WDR72: variants seen among roughly 807,000 people sequenced by gnomAD.
WDR72 encodes the protein WD repeat-containing protein 72.
In WDR72, 120 loss-of-function variants were observed where a neutral mutation model predicts 124.2. That is an observed-to-expected ratio of 0.97 (90% CI 0.83 to 1.12). The LOEUF (loss-of-function observed/expected upper bound fraction) is 1.12. Ranked by LOEUF, WDR72 falls within the 50% of genes most tolerant of loss-of-function variation. The probability of loss-of-function intolerance (pLI) is 0.00; values close to 1 mark genes in which losing one functional copy is unlikely to be tolerated. For missense variants in WDR72, 1,387 were observed against 1,278.8 expected (o/e 1.08, Z -1.29); for synonymous variants, 452 against 441.7 (o/e 1.02, Z -0.29).
chr15:53,641,010 AT>A (rs941546827), intron 14 of WDR72, among the ~76,000 whole-genome samples: 13 of 151,256 alleles, frequency 8.6e-5, no homozygotes, highest in African/African-American at 2.9e-4. Context: ...CATTTTTTTC[AT>A]TTTTTTCTGA....
At chr15:53,546,673 A>T (rs1045352368) in intron 18 of WDR72, among the ~76,000 whole-genome samples, 12 of 152,296 alleles carry the variant, frequency 7.9e-5, no homozygotes, top group Middle Eastern at 6.8e-3. Context: ...ATAATAATAA[A>T]AAAAAGAACA....
chr15:53,685,144 C>T (rs28861487), intron 13 of WDR72, among the ~76,000 whole-genome samples: 6 of 149,292 alleles, frequency 4.0e-5, no homozygotes, highest in East Asian at 4.1e-4. Context: ...AACTCTAAAA[C>T]GCAGAGCGCC....
intron 3 of WDR72, among the ~76,000 whole-genome samples, chr15:53,718,933 T>C (rs1425386417): frequency 6.6e-6 from 1 of 152,002 alleles, no homozygotes; most frequent in South Asian, 2.1e-4. Context: ...CATTAGAAAA[T>C]TGTTATATTC....
At position 53,705,190 on chromosome 15, in the gene WDR72, A is replaced by G; in HGVS notation, c.1146T>C (p.Asp382=). Residue 382 remains aspartate (D), a synonymous_variant, in exon 11 of 20, where the codon GAT becomes GAC. Coordinates refer to ENST00000360509, the MANE Select transcript of WDR72 (RefSeq NM_182758.4). ...TACTTTGTGACATAGTATCATGCTT[A>G]TCAAAATTATCTTGAAGAGTCCAGG... is the stretch of plus-strand genomic sequence containing the variant. ...TATWTLQDNF[D]KHDTMSQSII... is the part of the protein sequence containing the mutation. 1 of 1,614,016 alleles carries G rather than the reference A, an allele frequency of 6.2e-7. No homozygotes were observed.
intron 18 of WDR72, among the ~76,000 whole-genome samples, chr15:53,564,698 C>T (rs1894235120): frequency 6.6e-6 from 1 of 151,800 alleles, no homozygotes; most frequent in Non-Finnish European, 1.5e-5. Context: ...ATTTTCTGAC[C>T]TATCAAAGGT....
At chr15:53,750,356 G>A (rs1448500816) in intron 1 of WDR72, among the ~76,000 whole-genome samples, 1 of 152,036 alleles carries the variant, frequency 6.6e-6, no homozygotes, top group Non-Finnish European at 1.5e-5. Context: ...AGTTTACTGA[G>A]TATTTTATGC....
At chr15:53,720,549 T>C (rs564597881) in intron 3 of WDR72, among the ~76,000 whole-genome samples, 74 of 152,342 alleles carry the variant, frequency 4.9e-4, no homozygotes, top group African/African-American at 1.8e-3. Context: ...TTTTTGTTTG[T>C]CTGAAGGTTT....
chr15:53,661,426 C>A (rs2015605956), intron 14 of WDR72, among the ~76,000 whole-genome samples: 2 of 152,084 alleles, frequency 1.3e-5, no homozygotes, highest in African/African-American at 4.8e-5. Context: ...CTCCTGGAAA[C>A]TGATAGAGCT....
At chr15:53,705,747 G>A (rs1186227758) in intron 10 of WDR72, among the ~76,000 whole-genome samples, 180 bp downstream of exon 10, 3 of 152,214 alleles carry the variant, frequency 2.0e-5, no homozygotes, top group Non-Finnish European at 4.4e-5. Context: ...ACAGGCATGA[G>A]CCACTGTGCC....
intron 2 of WDR72, among the ~76,000 whole-genome samples, chr15:53,731,708 G>A (rs530964): frequency 0.036 from 5,430 of 151,816 alleles, 330 homozygotes; most frequent in African/African-American, 0.13. Context: ...TCATAACTGT[G>A]CCACAGTAGC....
At position 53,517,414 on chromosome 15, in the gene WDR72, C is replaced by G; in HGVS notation, c.*285G>C. On this transcript the variant is annotated 3_prime_UTR_variant, in exon 20 of 20. Coordinates refer to ENST00000360509, the MANE Select transcript of WDR72 (RefSeq NM_182758.4). Reference sequence around the variant, plus strand: ...AATTTGTGTCTGTGGACTGGCATTCCCTGTTGGAAATATTAACAGAAAAAG... The same window carrying G: ...AATTTGTGTCTGTGGACTGGCATTCGCTGTTGGAAATATTAACAGAAAAAG... The G allele has an allele frequency of 2.6e-6, 1 of 387,672 alleles. No individual in the cohort carries two copies. The highest frequency in any genetic ancestry group is 4.8e-6 in the Non-Finnish European group (1 of 207,318). The allele number at this position is 387,672 out of a possible 1,614,324, so 24.0% of individuals were successfully genotyped here. A position where few individuals can be genotyped will look rare whatever the true frequency, so the allele number is the denominator to read the frequency against.
intron 13 of WDR72, among the ~76,000 whole-genome samples, chr15:53,672,868 T>G (rs2016042551): frequency 6.6e-6 from 1 of 152,128 alleles, no homozygotes; most frequent in Non-Finnish European, 1.5e-5. Context: ...GGTGGCTCAC[T>G]CCTGTAATCC....
At position 53,570,280 on chromosome 15, in the gene WDR72, T is replaced by C. The variant is rs530047126; in HGVS notation, c.3148+26799A>G. 9.3e-5 allele frequency among the ~76,000 whole-genome samples: 14 copies of C among 150,056 alleles called. 1 individual carries two copies. The South Asian group carries it at 3.0e-3, about 32-fold the overall frequency. On this transcript the variant is annotated intron_variant, in intron 18 of 19. Transcript: ENST00000360509. ...ATATACCATTTTTTTTTTTTTGTGG[T>C]GAGAACACTTAGAATCTAACCTCTT... is the stretch of plus-strand genomic sequence containing the variant.
chr15:53,668,947 C>CAGGAGGAGGAGGAGGAGGAGG (rs143700484), intron 13 of WDR72, among the ~76,000 whole-genome samples: 2 of 83,788 alleles, frequency 2.4e-5, no homozygotes, highest in African/African-American at 4.1e-5. Context: ...GGAGGAGGAG[C>CAGGAGGAGGAGGAGGAGGAGG]AGGAGGAGGA....
intron 18 of WDR72, among the ~76,000 whole-genome samples, chr15:53,529,192 A>T (rs1235518742): frequency 2.1e-5 from 3 of 140,978 alleles, no homozygotes; most frequent in Non-Finnish European, 3.0e-5. Context: ...AAAAGAATAT[A>T]AAAAATTTCA....
intron 14 of WDR72, among the ~76,000 whole-genome samples, chr15:53,631,681 G>A (rs1243703333): frequency 6.6e-6 from 1 of 152,182 alleles, no homozygotes; most frequent in Admixed American, 6.5e-5. Context: ...TGGAAATGGG[G>A]AACTTATTGG....
chr15:53,639,874 T>C (rs1401529963), intron 14 of WDR72, among the ~76,000 whole-genome samples: 1 of 152,130 alleles, frequency 6.6e-6, no homozygotes, highest in East Asian at 1.9e-4. Context: ...CATGACATTC[T>C]AATATCTTAG....
At chr15:53,546,871 A>G (rs1893495981) in intron 18 of WDR72, among the ~76,000 whole-genome samples, 1 of 152,344 alleles carries the variant, frequency 6.6e-6, no homozygotes, top group African/African-American at 2.4e-5. Context: ...CTCAGTCTAT[A>G]CAAATTAGTT....
intron 1 of WDR72, among the ~76,000 whole-genome samples, chr15:53,745,543 A>G (rs1379530435): frequency 6.6e-6 from 1 of 152,236 alleles, no homozygotes; most frequent in African/African-American, 2.4e-5. Flanking sequence ...ATAAAGATAT[A>G]AAATGCCTAG....
Sources: gnomAD v4.1 joint callset for allele counts (sites outside exome capture counted in the v4.1 genomes callset) on GRCh38, gnomAD v4.1.1 for gene constraint, MANE v1.5 for transcripts, NCBI Gene and HGNC (gene_info 2026-07-23, HGNC 2026-07-21) for gene names.